CACNB3: variants seen among roughly 807,000 people sequenced by gnomAD.
The protein encoded by CACNB3 is calcium voltage-gated channel auxiliary subunit beta 3.
In CACNB3, 36 loss-of-function variants were observed where a neutral mutation model predicts 63.7. That is an observed-to-expected ratio of 0.57 (90% CI 0.43 to 0.75). The LOEUF is 0.75. Among genes scored for constraint, CACNB3 ranks in the 30% least tolerant of loss-of-function variants. The pLI is 0.00. For synonymous variants in CACNB3, 241 were observed against 250.6 expected (o/e 0.96, Z 0.36); for missense variants, 493 against 648.6 (o/e 0.76, Z 2.61).
At chr12:48,818,197 G>C (rs1028440976), upstream of CACNB3, among the ~76,000 whole-genome samples, 1 of 152,008 alleles carries the variant, frequency 6.6e-6, no homozygotes, top group Non-Finnish European at 1.5e-5. The surrounding 1 kb of genome is among the most constrained non-coding windows in gnomAD (Gnocchi z 4.3). Flanking sequence ...TGTCGCCTGG[G>C]ACCCCTCCCC....
At chr12:48,816,465 T>C (rs1353133371), upstream of CACNB3, among the ~76,000 whole-genome samples, 1 of 152,242 alleles carries the variant, frequency 6.6e-6, no homozygotes, top group Non-Finnish European at 1.5e-5. Flanking sequence ...GACAGGCACA[T>C]GTCCTGTCAC....
At position 48,826,721 on chromosome 12, in the gene CACNB3, TGA is replaced by T. The variant is rs1171782883; in HGVS notation, c.895-33_895-32del. ...CCGGGCTCAGCTCTGCCCAGAGTCC[TGA>T]GAGACTCCAGGCCTAGCTCTGCCCT... is the stretch of plus-strand genomic sequence containing the variant. On this transcript the variant is annotated intron_variant, in intron 10 of 12. Coordinates refer to ENST00000301050, the MANE Select transcript of CACNB3 (RefSeq NM_000725.4). This position sits in a 1 kb window ranked among gnomAD's most constrained non-coding sequence, Gnocchi z 4.8. 2 of 1,558,260 alleles carry T rather than the reference TGA, an allele frequency of 1.3e-6. No individual in the cohort carries two copies. Among genetic ancestry groups the T allele is most frequent in the Non-Finnish European group, 8.9e-7 (1 of 1,129,442 alleles).
Position 48,823,708 on chromosome 12 carries a change from A to G in CACNB3, c.196A>G (p.Thr66Ala), listed in dbSNP as rs746315237. The G allele has an allele frequency of 6.2e-7, 1 of 1,614,094 alleles. No homozygotes were observed. The highest frequency in any genetic ancestry group is 1.1e-5 in the South Asian group (1 of 91,082). ...KHKPVAFAVR[T>A]NVSYCGVLDE... ...CAAACCTGTGGCATTTGCGGTGAGG[A>G]CCAATGTCAGCTACTGTGGCGTACT... The change falls in exon 3 of 13, where the codon ACC becomes GCC. Residue 66 changes from threonine (T) to alanine (A), a missense_variant. Coordinates refer to ENST00000301050, the MANE Select transcript of CACNB3 (RefSeq NM_000725.4). This position sits in a 1 kb window ranked among gnomAD's most constrained non-coding sequence, Gnocchi z 4.2.
intron 1 of CACNB3, among the ~76,000 whole-genome samples, chr12:48,822,667 C>A (rs1937913986): frequency 6.6e-6 from 1 of 152,112 alleles, no homozygotes; most frequent in African/African-American, 2.4e-5. Context: ...GTTGCCCCAG[C>A]AGGTGTGGAA....
upstream of CACNB3, chr12:48,818,075 A>T (rs888264591): frequency 3.9e-5 from 6 of 152,398 alleles, no homozygotes; most frequent in African/African-American, 1.4e-4. The surrounding 1 kb of genome is among the most constrained non-coding windows in gnomAD (Gnocchi z 4.3). Context: ...CTGTTGGGGC[A>T]GGAGCTGCCG....
chr12:48,823,763 G>T lies in CACNB3; in HGVS notation c.251G>T (p.Gly84Val). 1 of 1,614,126 alleles carries T rather than the reference G, an allele frequency of 6.2e-7. No homozygotes were observed. The highest frequency in any genetic ancestry group is 8.5e-7 in the Non-Finnish European group (1 of 1,180,010). The change falls in exon 3 of 13, where the codon GGA (glycine) becomes GTA (valine). Residue 84 changes from glycine to valine, a missense_variant. Coordinates refer to ENST00000301050, the MANE Select transcript of CACNB3 (RefSeq NM_000725.4). This position sits in a 1 kb window ranked among gnomAD's most constrained non-coding sequence, Gnocchi z 4.2. ...LDEECPVQGS[G>V]VNFEAKDFLH... ...GAGGAGTGCCCAGTCCAGGGCTCTGGAGTCAACTTTGAGGCCAAAGATTTT... is the reference window on the plus strand; with the variant it reads ...GAGGAGTGCCCAGTCCAGGGCTCTGTAGTCAACTTTGAGGCCAAAGATTTT...
chr12:48,814,686 G>T (rs1013487299), upstream of CACNB3: 2 of 951,736 alleles, frequency 2.1e-6, no homozygotes, highest in South Asian at 1.7e-5. The surrounding 1 kb of genome is among the most constrained non-coding windows in gnomAD (Gnocchi z 6.9). Flanking sequence ...GGAGAAAGGA[G>T]GGGGAGAGGG....
upstream of CACNB3, chr12:48,814,924 G>A (rs1942248797): frequency 4.5e-6 from 1 of 223,308 alleles, no homozygotes; most frequent in Non-Finnish European, 8.8e-6. The surrounding 1 kb of genome is among the most constrained non-coding windows in gnomAD (Gnocchi z 6.9). Flanking sequence ...CCTTCGCGGA[G>A]CTGAGACCCG....
chr12:48,819,845 G>C (rs918561730), intron 1 of CACNB3: 1 of 334,898 alleles, frequency 3.0e-6, no homozygotes, highest in African/African-American at 2.2e-5. Flanking sequence ...AGTGATTCCC[G>C]GAGCTCAGAC....
In CACNB3 at chr12:48,828,185, C is replaced by G. The variant is rs537181175; in HGVS notation, c.*286C>G. The G allele has an allele frequency of 1.0e-5, 5 of 496,620 alleles. No individual in the cohort carries two copies. Among genetic ancestry groups the G allele is most frequent in the Non-Finnish European group, 1.8e-5 (5 of 271,600 alleles). 30.8% of individuals were successfully genotyped at this position (496,620 alleles called of 1,614,324 possible). ...TCCTCCCACACAGGAAGCTGCCCCA[C>G]TGGGCAGTGCCCTCAGGCCAGGATC... On this transcript the variant is annotated 3_prime_UTR_variant, in exon 13 of 13. Transcript: ENST00000301050.
chr12:48,818,834 C>T lies in CACNB3; in HGVS notation c.-96C>T, dbSNP rs978625842. On this transcript the variant is annotated 5_prime_UTR_variant, in exon 1 of 13. Coordinates refer to ENST00000301050, the MANE Select transcript of CACNB3 (RefSeq NM_000725.4). The surrounding 1 kb of genome is among the most constrained non-coding windows in gnomAD (Gnocchi z 4.3). ...CCGCCGCCCGCAGGGCTGCGGGGCT[C>T]GGTGGCATCTCCCGGGCGCGGCCCG... 2.1e-6 allele frequency: 3 copies of T among 1,412,436 alleles called. No homozygotes were observed. Among genetic ancestry groups the T allele is most frequent in the African/African-American group, 1.5e-5 (1 of 65,614 alleles). 87.5% of individuals were successfully genotyped at this position (1,412,436 alleles called of 1,614,324 possible). A position where few individuals can be genotyped will look rare whatever the true frequency, so the allele number is the denominator to read the frequency against.
chr12:48,820,859 A>G (rs1225719692), intron 1 of CACNB3: 1 of 152,228 alleles, frequency 6.6e-6, no homozygotes, highest in Non-Finnish European at 1.5e-5. Flanking sequence ...TCCCAGGGTG[A>G]GAGGTCAGGT....
chr12:48,817,981 C>T (rs1440377333), upstream of CACNB3: 1 of 152,332 alleles, frequency 6.6e-6, no homozygotes, highest in African/African-American at 2.4e-5. Flanking sequence ...GAGGCCTACC[C>T]AGCTCACGGA....
rs1198861621 is a variant in CACNB3 at position 48,823,773 on chromosome 12, T to C, written c.261T>C (p.Phe87=). ...CAGTCCAGGGCTCTGGAGTCAACTT[T>C]GAGGCCAAAGATTTTCTGCACATTA... ...ECPVQGSGVN[F]EAKDFLHIKE... is the part of the protein sequence containing the mutation. The change falls in exon 3 of 13, where the codon TTT becomes TTC. Residue 87 remains phenylalanine (F), a synonymous_variant. Transcript: ENST00000301050. The surrounding 1 kb of genome is among the most constrained non-coding windows in gnomAD (Gnocchi z 4.2). The C allele has an allele frequency of 4.3e-6, 7 of 1,614,034 alleles. No individual in the cohort carries two copies. The highest frequency in any genetic ancestry group is 5.9e-6 in the Non-Finnish European group (7 of 1,180,014).
chr12:48,828,492 G>C lies in CACNB3; in HGVS notation c.*593G>C, dbSNP rs1284294159. 5.6e-6 allele frequency: 2 copies of C among 359,720 alleles called. No individual in the cohort carries two copies. The highest frequency in any genetic ancestry group is 1.1e-5 in the Non-Finnish European group (2 of 181,620). 22.3% of individuals were successfully genotyped at this position (359,720 alleles called of 1,614,324 possible). On this transcript the variant is annotated 3_prime_UTR_variant, in exon 13 of 13. Transcript: ENST00000301050. ...TGGAGCAGCAGGCTGGCCACGCTCG[G>C]GCCAGAGAGAGCTCACAGCTGAAGC...
chr12:48,826,923 G>A lies in CACNB3; in HGVS notation c.991-51G>A, dbSNP rs1565670601. ...CTGCGGCAGTGATAGAGATGGGTGG[G>A]GGGCTGCTACTGAGGGGAAACCAAC... On this transcript the variant is annotated intron_variant, in intron 11 of 12. Transcript: ENST00000301050. This position sits in a 1 kb window ranked among gnomAD's most constrained non-coding sequence, Gnocchi z 4.8. 6.2e-7 allele frequency: 1 copy of A among 1,613,200 alleles called. No homozygotes were observed. The highest frequency in any genetic ancestry group is 1.3e-5 in the African/African-American group (1 of 74,900).
chr12:48,819,605 G>C, intron 1 of CACNB3: 2 of 438,202 alleles, frequency 4.6e-6, no homozygotes, highest in Non-Finnish European at 9.2e-6. Context: ...ACATGGGTAG[G>C]CCAGGTGACT....
upstream of CACNB3, chr12:48,815,636 C>T (rs1461557974): frequency 1.3e-6 from 2 of 1,532,026 alleles, no homozygotes; most frequent in East Asian, 4.9e-5. Flanking sequence ...GTTTTGCTCC[C>T]GCCTCGGAGC....
upstream of CACNB3, chr12:48,818,402 G>GAGT: frequency 5.1e-6 from 5 of 973,140 alleles, no homozygotes; most frequent in Non-Finnish European, 6.1e-6. The surrounding 1 kb of genome is among the most constrained non-coding windows in gnomAD (Gnocchi z 4.3). Flanking sequence ...TTTCCCGGCG[G>GAGT]AGTAGTTCCT....
Sources: gnomAD v4.1 joint callset for allele counts (sites outside exome capture counted in the v4.1 genomes callset) on GRCh38, gnomAD v4.1.1 for gene constraint, Gnocchi (gnomAD v3.1) non-coding constraint, MANE v1.5 for transcripts, NCBI Gene and HGNC (gene_info 2026-07-23, HGNC 2026-07-21) for gene names.